The following FXN variants were observed in gnomAD, a reference collection of about 807,000 sequenced individuals.
FXN encodes frataxin, mitochondrial.
Under a neutral mutation model 22.4 loss-of-function variants are expected in FXN, and 14 were observed. The ratio of observed to expected loss-of-function variants is 0.62; its 90% CI spans 0.41 to 0.98. FXN has a LOEUF of 0.98. FXN is among the 50% of genes least tolerant of loss of function. The pLI is 0.00. For missense variants in FXN, 267 were observed against 268.4 expected (o/e 0.99, Z 0.04); for synonymous variants, 120 against 114.1 (o/e 1.05, Z -0.33).
chr9:69,075,938 C>G lies in FXN; in HGVS notation c.*3176C>G. 6.2e-6 allele frequency: 5 copies of G among 803,464 alleles called. No individual in the cohort carries two copies. Among genetic ancestry groups the G allele is most frequent in the Non-Finnish European group, 7.5e-6 (5 of 664,746 alleles). 49.8% of individuals were successfully genotyped at this position (803,464 alleles called of 1,614,324 possible). A position where few individuals can be genotyped will look rare whatever the true frequency, so the allele number is the denominator to read the frequency against. On this transcript the variant is annotated 3_prime_UTR_variant, in exon 5 of 5. Transcript: ENST00000484259. ...CAGGCTGGTCTCTAACACTTAGGCT[C>G]AAGTGATCCACCTGCCTCGTCCTCC...
At chr9:69,042,076 A>G (rs1249375704) in intron 1 of FXN, among the ~76,000 whole-genome samples, 1 of 152,082 alleles carries the variant, frequency 6.6e-6, no homozygotes, top group Non-Finnish European at 1.5e-5. Context: ...TGTCTCTCCT[A>G]AAAACACAAA....
intron 3 of FXN, among the ~76,000 whole-genome samples, chr9:69,062,671 CT>C (rs1222502798): frequency 6.8e-6 from 1 of 147,286 alleles, no homozygotes; most frequent in African/African-American, 2.4e-5. Flanking sequence ...AAAAAAACAT[CT>C]TTTTTTTAGT....
intron 3 of FXN, among the ~76,000 whole-genome samples, chr9:69,053,905 T>C (rs1831907366): frequency 6.6e-6 from 1 of 152,238 alleles, no homozygotes; most frequent in South Asian, 2.1e-4. Flanking sequence ...CCCTAGGTCT[T>C]ATTCCTAGAG....
At chr9:69,042,552 A>G (rs2133097235) in intron 1 of FXN, among the ~76,000 whole-genome samples, 1 of 152,354 alleles carries the variant, frequency 6.6e-6, no homozygotes, top group Middle Eastern at 3.4e-3. Context: ...AGCAGGTAGA[A>G]TATAAAGCAA....
intron 4 of FXN, among the ~76,000 whole-genome samples, chr9:69,071,028 A>G (rs1832265191): frequency 6.6e-6 from 1 of 152,066 alleles, no homozygotes; most frequent in East Asian, 1.9e-4. Context: ...CTGTGAAATC[A>G]GCAGTCTTAC....
chr9:69,057,618 TG>T (rs1383194512), intron 3 of FXN, among the ~76,000 whole-genome samples: 1 of 152,190 alleles, frequency 6.6e-6, no homozygotes, highest in Non-Finnish European at 1.5e-5. Context: ...ATGCTAACTC[TG>T]TACCCTAGAG....
At chr9:69,042,144 A>G (rs938362867) in intron 1 of FXN, among the ~76,000 whole-genome samples, 1 of 151,884 alleles carries the variant, frequency 6.6e-6, no homozygotes, top group African/African-American at 2.4e-5. Flanking sequence ...AGGCTGAGGC[A>G]GGAGAATCAC....
At chr9:69,045,712 A>G (rs1831740399) in intron 1 of FXN, among the ~76,000 whole-genome samples, 1 of 152,212 alleles carries the variant, frequency 6.6e-6, no homozygotes, top group Non-Finnish European at 1.5e-5. Context: ...GTACCAAAAA[A>G]AGTGAATTTA....
rs1832366666 is a variant in FXN, at chr9:69,076,256, C to T, written c.*3494C>T. The T allele has an allele frequency of 3.1e-6, 3 of 978,610 alleles. 1 individual carries two copies. Among genetic ancestry groups the T allele is most frequent in the Non-Finnish European group, 3.6e-6 (3 of 826,256 alleles). The allele number at this position is 978,610 out of a possible 1,614,324, so 60.6% of individuals were successfully genotyped here. A position where few individuals can be genotyped will look rare whatever the true frequency, so the allele number is the denominator to read the frequency against. On this transcript the variant is annotated 3_prime_UTR_variant, in exon 5 of 5. Transcript: ENST00000484259. The stretch of plus-strand genomic sequence containing the variant: ...TAATCTATAAAATGGAGATATCTAA[C>T]ATGTTGAGCCTGGGCCCACAGGCAA...
intron 3 of FXN, among the ~76,000 whole-genome samples, chr9:69,060,774 C>T (rs527613682): frequency 9.8e-5 from 15 of 152,340 alleles, no homozygotes; most frequent in African/African-American, 2.9e-4. Context: ...ACTACCTGGA[C>T]ATCATCTGCT....
rs527775906 is a variant in FXN, at chr9:69,069,518, C to A, written c.483-3094C>A. On this transcript the variant is annotated intron_variant, in intron 4 of 4. Coordinates refer to ENST00000484259, the MANE Select transcript of FXN (RefSeq NM_000144.5). ...AAATAATGTCACTTTCTGACACTCA[C>A]CCCGCTGAATGTCCTGCCTCTGCTC... Among the ~76,000 whole-genome samples, 4 of 152,068 alleles carry A rather than the reference C, an allele frequency of 2.6e-5. No homozygotes were observed. The South Asian group carries it at 8.3e-4, about 32-fold the overall frequency.
At chr9:69,067,568 G>T (rs575756324) in intron 4 of FXN, among the ~76,000 whole-genome samples, 16 of 152,282 alleles carry the variant, frequency 1.1e-4, no homozygotes, top group Middle Eastern at 6.8e-3. Context: ...TACTCTCTGT[G>T]GAAAAGATTT....
intron 4 of FXN, among the ~76,000 whole-genome samples, 166 bp from the exon 5 acceptor site, chr9:69,072,446 A>G (rs1416680489): frequency 6.6e-6 from 1 of 151,358 alleles, no homozygotes; most frequent in Non-Finnish European, 1.5e-5. Flanking sequence ...ATATCGTATA[A>G]CTCTTCTTAG....
chr9:69,045,550 G>A (rs920186835), intron 1 of FXN, among the ~76,000 whole-genome samples: 8 of 152,036 alleles, frequency 5.3e-5, no homozygotes, highest in Non-Finnish European at 7.4e-5. Context: ...CCGAGATCGT[G>A]CCACTGCACT....
intron 3 of FXN, among the ~76,000 whole-genome samples, chr9:69,060,328 G>C (rs1489598864): frequency 6.6e-6 from 1 of 150,902 alleles, no homozygotes; most frequent in Admixed American, 6.6e-5. Flanking sequence ...CCAAGATCGA[G>C]CCACTGCACT....
intron 2 of FXN, among the ~76,000 whole-genome samples, chr9:69,049,753 T>G (rs1463717289): frequency 1.3e-5 from 2 of 152,156 alleles, no homozygotes; most frequent in Non-Finnish European, 2.9e-5. Context: ...CAGAACATTT[T>G]CATTATTCCA....
rs192369635 is a variant in FXN, at chr9:69,049,812, C to G, written c.264-3328C>G. The stretch of plus-strand genomic sequence containing the variant: ...CAATCACTCCCCCATTCCGCCTTTC[C>G]CTAAAACCCAGCAATCACTAATCTA... On this transcript the variant is annotated intron_variant, in intron 2 of 4. Coordinates refer to ENST00000484259, the MANE Select transcript of FXN (RefSeq NM_000144.5). 2.5e-3 allele frequency among the ~76,000 whole-genome samples: 381 copies of G among 152,124 alleles called. 1 individual carries two copies. The highest frequency in any genetic ancestry group is 8.4e-3 in the African/African-American group (350 of 41,508).
At chr9:69,036,874 A>C (rs1831559561) in intron 1 of FXN, among the ~76,000 whole-genome samples, 1 of 152,136 alleles carries the variant, frequency 6.6e-6, no homozygotes, top group Non-Finnish European at 1.5e-5. Flanking sequence ...ATGCCAAGGA[A>C]GTGGTAGAGG....
Position 69,054,969 on chromosome 9 carries a change from G to A in FXN, c.384+1709G>A, listed in dbSNP as rs1831929036. ...TGCAGCGGGAGCACTGAATGGAGAA[G>A]GCACTCCACATAATGGAGGAGGCAA... On this transcript the variant is annotated intron_variant, in intron 3 of 4. Coordinates refer to ENST00000484259, the MANE Select transcript of FXN (RefSeq NM_000144.5). 2.0e-5 allele frequency among the ~76,000 whole-genome samples: 3 copies of A among 152,200 alleles called. No individual in the cohort carries two copies. The South Asian group carries it at 6.2e-4, about 31-fold the overall frequency.
Sources: gnomAD v4.1 joint callset for allele counts (sites outside exome capture counted in the v4.1 genomes callset) on GRCh38, gnomAD v4.1.1 for gene constraint, MANE v1.5 for transcripts, NCBI Gene and HGNC (gene_info 2026-07-23, HGNC 2026-07-21) for gene names.